Variants in SORBS2 observed in about 807,000 individuals in gnomAD.
SORBS2 encodes sorbin and SH3 domain containing 2.
SORBS2 carries 46 observed loss-of-function variants against 97.7 expected under a neutral mutation model. That is an observed-to-expected ratio of 0.47 (90% confidence interval 0.37 to 0.60). SORBS2 has a LOEUF of 0.60. SORBS2 is among the 20% of genes least tolerant of loss of function. SORBS2 has a pLI of 0.00. For synonymous variants in SORBS2, 476 were observed against 473.4 expected, an observed-to-expected ratio of 1.01 and a Z score of -0.07; for missense variants, 1,316 against 1,282.3, an observed-to-expected ratio of 1.03 and a Z score of -0.40.
At chr4:185,664,304 T>C (rs2097566369) in intron 4 of SORBS2, among the ~76,000 whole-genome samples, 1 of 152,220 alleles carries the variant, frequency 6.6e-6, no homozygotes, top group South Asian at 2.1e-4. Context: ...AAACTGATAA[T>C]TGCAATTAAT....
intron 2 of SORBS2, among the ~76,000 whole-genome samples, chr4:185,716,741 G>T (rs578041503): frequency 2.0e-5 from 3 of 152,282 alleles, no homozygotes; most frequent in African/African-American, 7.2e-5. Context: ...AGGAGCAGCA[G>T]CTCCCTGGAT....
At chr4:185,803,547 T>G (rs1291531389) in intron 1 of SORBS2, among the ~76,000 whole-genome samples, 1 of 152,196 alleles carries the variant, frequency 6.6e-6, no homozygotes, top group Non-Finnish European at 1.5e-5. Context: ...ATGGCTTTGA[T>G]TGTCATTTAC....
At chr4:185,903,252 G>A (rs2099248711) in intron 1 of SORBS2, among the ~76,000 whole-genome samples, 1 of 152,264 alleles carries the variant, frequency 6.6e-6, no homozygotes, top group South Asian at 2.1e-4. Context: ...AATGTTTCAT[G>A]GCTAATTGAG....
intron 1 of SORBS2, among the ~76,000 whole-genome samples, chr4:185,789,772 C>A (rs895901634): frequency 6.6e-6 from 1 of 152,026 alleles, no homozygotes; most frequent in Non-Finnish European, 1.5e-5. Context: ...CATTAAACTC[C>A]TTTTAAGCAT....
intron 1 of SORBS2, among the ~76,000 whole-genome samples, chr4:185,864,632 C>T (rs2099225745): frequency 6.6e-6 from 1 of 152,106 alleles, no homozygotes; most frequent in Non-Finnish European, 1.5e-5. Context: ...ACTGAACGGC[C>T]GGGTGCGGTG....
rs114784418 is a variant in SORBS2, at chr4:185,734,693, G to A, written c.-198+40534C>T. Reference sequence around the variant, plus strand: ...TCTGCATAGGATGATGGGGAGAGGAGGGAGCTAGGAAGGGTGAGAGGCAAG... The same window carrying A: ...TCTGCATAGGATGATGGGGAGAGGAAGGAGCTAGGAAGGGTGAGAGGCAAG... On this transcript the variant is annotated intron_variant, in intron 2 of 20. Transcript: ENST00000284776. Among the ~76,000 whole-genome samples, 3 of 152,104 alleles carry A rather than the reference G, an allele frequency of 2.0e-5. No individual in the cohort carries two copies. The East Asian group carries it at 5.8e-4, about 29-fold the overall frequency.
intron 2 of SORBS2, among the ~76,000 whole-genome samples, chr4:185,694,713 TTTC>T: frequency 7.3e-6 from 1 of 137,208 alleles, no homozygotes. Context: ...TTTCTTTTCT[TTTC>T]TTTTTTTTGA....
intron 1 of SORBS2, among the ~76,000 whole-genome samples, chr4:185,927,664 TA>T: frequency 6.6e-6 from 1 of 152,322 alleles, no homozygotes; most frequent in Non-Finnish European, 1.5e-5. Flanking sequence ...AGTTACAAAA[TA>T]AAAGCCCAAT....
chr4:185,739,029 G>A (rs2098706151), intron 2 of SORBS2, among the ~76,000 whole-genome samples: 1 of 152,230 alleles, frequency 6.6e-6, no homozygotes, highest in Admixed American at 6.5e-5. Context: ...CATCAAAAAA[G>A]TGTGAACTTG....
chr4:185,828,681 A>C (rs2099203391), intron 1 of SORBS2, among the ~76,000 whole-genome samples: 1 of 152,134 alleles, frequency 6.6e-6, no homozygotes, highest in Non-Finnish European at 1.5e-5. Flanking sequence ...TAAATGTCCC[A>C]AGTGGCAGAC....
rs183611583 is a variant in SORBS2 at position 185,603,143 on chromosome 4, T to A, written c.2796+8637A>T. ...TAAACCTTTTTAAATCCTGGCTTTG[T>A]CCTGATGCTACGATGGTGCGTCCTC... On this transcript the variant is annotated intron_variant, in intron 12 of 14. Coordinates refer to ENST00000418609, the Ensembl canonical transcript of SORBS2. 4.6e-5 allele frequency among the ~76,000 whole-genome samples: 7 copies of A among 152,302 alleles called. No individual in the cohort carries two copies. The East Asian group carries it at 9.6e-4, about 21-fold the overall frequency.
intron 2 of SORBS2, among the ~76,000 whole-genome samples, chr4:185,715,771 C>T (rs2098460246): frequency 6.6e-6 from 1 of 152,132 alleles, no homozygotes; most frequent in Non-Finnish European, 1.5e-5. Flanking sequence ...CCTCCCTCGA[C>T]TACAAGTGGC....
Position 185,606,666 on chromosome 4 carries a change from G to C in SORBS2, c.2796+5114C>G. The C allele has an allele frequency of 6.1e-6, 6 of 985,296 alleles. No individual in the cohort carries two copies. Among genetic ancestry groups the C allele is most frequent in the Non-Finnish European group, 7.2e-6 (6 of 829,906 alleles). 61.0% of individuals were successfully genotyped at this position (985,296 alleles called of 1,614,324 possible). A position where few individuals can be genotyped will look rare whatever the true frequency, so the allele number is the denominator to read the frequency against. Reference sequence around the variant, plus strand: ...GGGTGGCTATGGGGTGTTTTAGGCAGTTGGGTTTCTCCTCCTCCTCCTCCT... The same window carrying C: ...GGGTGGCTATGGGGTGTTTTAGGCACTTGGGTTTCTCCTCCTCCTCCTCCT... On this transcript the variant is annotated intron_variant, in intron 12 of 14. Coordinates refer to ENST00000418609, the Ensembl canonical transcript of SORBS2. This position sits in a 1 kb window ranked among gnomAD's most constrained non-coding sequence, Gnocchi z 4.3.
At chr4:185,664,954 T>A (rs1029682964) in intron 4 of SORBS2, among the ~76,000 whole-genome samples, 9 of 152,168 alleles carry the variant, frequency 5.9e-5, no homozygotes, top group Non-Finnish European at 1.2e-4. Flanking sequence ...CAATATAGAA[T>A]CTGTGCCATA....
At chr4:185,842,239 C>T (rs1252307907) in intron 1 of SORBS2, among the ~76,000 whole-genome samples, 1 of 152,156 alleles carries the variant, frequency 6.6e-6, no homozygotes, top group African/African-American at 2.4e-5. Context: ...CACATGTGAG[C>T]CTAAATGACC....
At chr4:185,598,731 C>T (rs573681205) in intron 12 of SORBS2, among the ~76,000 whole-genome samples, 32 of 151,996 alleles carry the variant, frequency 2.1e-4, no homozygotes, top group African/African-American at 6.0e-4. Context: ...AATAATACCA[C>T]GTTTATGTTT....
At chr4:185,713,334 G>A (rs2098439401) in intron 2 of SORBS2, among the ~76,000 whole-genome samples, 1 of 152,132 alleles carries the variant, frequency 6.6e-6, no homozygotes, top group African/African-American at 2.4e-5. Context: ...CATATAAAAT[G>A]CAGTCCTCCA....
In SORBS2 at chr4:185,851,030, T is replaced by G. The variant is rs1375304934; in HGVS notation, c.-337-75664A>C. Reference sequence around the variant, plus strand: ...CAGACTGAGACACCAACGGCTTTCCTGGTTCTCCAGCTTGCAGACAGCAGA... The same window carrying G: ...CAGACTGAGACACCAACGGCTTTCCGGGTTCTCCAGCTTGCAGACAGCAGA... On this transcript the variant is annotated intron_variant, in intron 1 of 20. Coordinates refer to the SORBS2 transcript ENST00000284776. 5.9e-5 allele frequency among the ~76,000 whole-genome samples: 9 copies of G among 152,288 alleles called. No individual in the cohort carries two copies. In the East Asian group the frequency reaches 1.5e-3, roughly 26 times the overall value.
intron 1 of SORBS2, among the ~76,000 whole-genome samples, chr4:185,949,081 C>T (rs191821754): frequency 6.6e-6 from 1 of 151,256 alleles, no homozygotes; most frequent in East Asian, 2.0e-4. Flanking sequence ...TTCCAGGAAA[C>T]AGGAGGGGGG....
Sources: allele counts gnomAD v4.1 joint callset (sites outside exome capture counted in the v4.1 genomes callset), GRCh38; gene constraint gnomAD v4.1.1; non-coding constraint Gnocchi (gnomAD v3.1); transcripts MANE v1.5; gene names NCBI Gene and HGNC (gene_info 2026-07-23, HGNC 2026-07-21).